The following FBRSL1 variants were observed in gnomAD, a reference collection of about 807,000 sequenced individuals.
The protein encoded by FBRSL1 is fibrosin-1-like protein.
Under a neutral mutation model 89.6 loss-of-function variants are expected in FBRSL1, and 51 were observed. The ratio of observed to expected loss-of-function variants is 0.57; its 90% CI spans 0.45 to 0.72. The LOEUF is 0.72. Among genes scored for constraint, FBRSL1 ranks in the 30% least tolerant of loss-of-function variants. The probability of loss-of-function intolerance (pLI) is 0.00; values close to 1 mark genes in which losing one functional copy is unlikely to be tolerated. For synonymous variants in FBRSL1, 779 were observed against 681.1 expected (o/e 1.14, Z -2.24); for missense variants, 1,618 against 1,451.8 (o/e 1.11, Z -1.86).
intron 4 of FBRSL1, among the ~76,000 whole-genome samples, chr12:132,534,279 G>A (rs759570675): frequency 4.6e-5 from 7 of 152,244 alleles, no homozygotes; most frequent in South Asian, 2.1e-4. Flanking sequence ...GTGCGTTGTC[G>A]GGCCCCAGGT....
intron 11 of FBRSL1, among the ~76,000 whole-genome samples, chr12:132,573,059 C>T (rs758030411): frequency 2.6e-5 from 4 of 152,188 alleles, no homozygotes; most frequent in Admixed American, 6.5e-5. Context: ...CGTCCACACC[C>T]GCAGGGGACC....
At chr12:132,572,491 T>G in intron 10 of FBRSL1, 36 bp from the exon 11 acceptor site, 1 of 1,520,316 alleles carries the variant, frequency 6.6e-7, no homozygotes, top group African/African-American at 1.4e-5. Context: ...GGTGAGGACT[T>G]GGGCCCCCCC....
chr12:132,510,903 T>G (rs2034259442), intron 2 of FBRSL1: 14 of 1,002,936 alleles, frequency 1.4e-5, no homozygotes, highest in Non-Finnish European at 1.7e-5. Context: ...CGCTTGCCCC[T>G]GGCGTGCCAC....
intron 5 of FBRSL1, among the ~76,000 whole-genome samples, chr12:132,556,600 G>GCAC (rs1319505217): frequency 1.4e-3 from 71 of 52,236 alleles, no homozygotes; most frequent in African/African-American, 6.4e-3. Flanking sequence ...CCTTCCTGCT[G>GCAC]CCCCCGCCAC....
chr12:132,518,872 T>C (rs993639817), intron 2 of FBRSL1, among the ~76,000 whole-genome samples: 2 of 149,822 alleles, frequency 1.3e-5, no homozygotes, highest in Non-Finnish European at 1.5e-5. Flanking sequence ...CATCTGTCCA[T>C]CCAACCACCC....
At chr12:132,561,558 TCTC>T (rs758312924) in intron 5 of FBRSL1, among the ~76,000 whole-genome samples, 6 of 152,114 alleles carry the variant, frequency 3.9e-5, no homozygotes, top group Non-Finnish European at 8.8e-5. Context: ...TAAGCTGGCT[TCTC>T]CTCCCTCTGC....
chr12:132,558,275 C>A (rs935654183), intron 5 of FBRSL1, among the ~76,000 whole-genome samples: 7 of 152,238 alleles, frequency 4.6e-5, no homozygotes, highest in Non-Finnish European at 8.8e-5. Flanking sequence ...AGTGTCCCTG[C>A]TGAGCCATGA....
intron 1 of FBRSL1, among the ~76,000 whole-genome samples, chr12:132,505,767 A>C (rs1417753276): frequency 6.6e-6 from 1 of 152,230 alleles, no homozygotes; most frequent in African/African-American, 2.4e-5. Flanking sequence ...GGCGAAGCCC[A>C]CAGGGCCAGC....
intron 2 of FBRSL1, among the ~76,000 whole-genome samples, chr12:132,519,238 A>G (rs2035133040): frequency 6.6e-6 from 1 of 152,220 alleles, no homozygotes; most frequent in African/African-American, 2.4e-5. Context: ...AGAAACAAGC[A>G]ACCCCACTTC....
chr12:132,564,863 T>G (rs2039482505), intron 5 of FBRSL1, among the ~76,000 whole-genome samples: 1 of 151,732 alleles, frequency 6.6e-6, no homozygotes, highest in Admixed American at 6.5e-5. Context: ...TCTGCTGACC[T>G]CGTGATCCGC....
rs557166931 is a variant in FBRSL1 at position 132,569,376 on chromosome 12, G to A, written c.692-550G>A. Among the ~76,000 whole-genome samples the A allele has an allele frequency of 6.6e-5, 10 of 152,266 alleles. No homozygotes were observed. The East Asian group carries it at 1.5e-3, about 24-fold the overall frequency. ...CACCCAGTCCCTGCCCAAGTTTCCA[G>A]GAAGTGGTCAAGCCTTCCACCAGGG... On this transcript the variant is annotated intron_variant, in intron 6 of 18. Transcript: ENST00000680143.
At position 132,576,813 on chromosome 12, in the gene FBRSL1, C is replaced by T; in HGVS notation, c.1716C>T (p.Asp572=). ...TATCCTCCCAGGAGATGCAGCTGGA[C>T]CCCCACAAGCTGGAGGTGGGTGCAA... ...HQQKIKEMQL[D]PHKLEVGAKL... The change falls in exon 15 of 19, where the codon GAC becomes GAT. Residue 572 remains aspartate, a synonymous_variant. Coordinates refer to ENST00000680143, the MANE Select transcript of FBRSL1 (RefSeq NM_001367871.1). 7 of 1,550,798 alleles carry T rather than the reference C, an allele frequency of 4.5e-6. No individual in the cohort carries two copies. The highest frequency in any genetic ancestry group is 6.1e-6 in the Non-Finnish European group (7 of 1,146,808).
At chr12:132,582,429 A>G (rs542917591) in intron 18 of FBRSL1, among the ~76,000 whole-genome samples, 163 bp downstream of exon 18, 1,766 of 38,258 alleles carry the variant, frequency 0.046, 39 homozygotes, top group East Asian at 0.31. Flanking sequence ...CCCCTCCCCC[A>G]TTCCCTCTCA....
intron 2 of FBRSL1, among the ~76,000 whole-genome samples, chr12:132,521,586 G>C (rs990573715): frequency 1.3e-5 from 2 of 152,186 alleles, no homozygotes; most frequent in Non-Finnish European, 2.9e-5. Flanking sequence ...CATCGTGGCC[G>C]GCCAGTCTCA....
intron 5 of FBRSL1, among the ~76,000 whole-genome samples, chr12:132,556,710 C>T (rs2038692274): frequency 1.3e-5 from 1 of 78,082 alleles, no homozygotes; most frequent in South Asian, 4.2e-4. Flanking sequence ...CTGCCTCCAA[C>T]CCCTGTCCTG....
intron 15 of FBRSL1, among the ~76,000 whole-genome samples, chr12:132,578,853 A>G (rs1432453612): frequency 6.6e-6 from 1 of 152,274 alleles, no homozygotes; most frequent in African/African-American, 2.4e-5. Context: ...CAGCAGCCAC[A>G]TGAGGCTGGC....
intron 5 of FBRSL1, among the ~76,000 whole-genome samples, chr12:132,559,477 C>T (rs1047551178): frequency 3.3e-5 from 5 of 152,198 alleles, no homozygotes; most frequent in African/African-American, 9.7e-5. Flanking sequence ...CTGCAGCCTC[C>T]ACCTCCCGGG....
At chr12:132,518,754 A>C (rs1359019370) in intron 2 of FBRSL1, among the ~76,000 whole-genome samples, 2 of 129,476 alleles carry the variant, frequency 1.5e-5, no homozygotes, top group Non-Finnish European at 3.3e-5. Flanking sequence ...ATCCACCCAT[A>C]CATCCACACA....
intron 5 of FBRSL1, among the ~76,000 whole-genome samples, chr12:132,556,212 C>T (rs939207289): frequency 2.0e-5 from 3 of 152,188 alleles, no homozygotes; most frequent in Non-Finnish European, 4.4e-5. Context: ...GGTGAACACA[C>T]GCTTCTCCGG....
Sources: gnomAD v4.1 joint callset for allele counts (sites outside exome capture counted in the v4.1 genomes callset) on GRCh38, gnomAD v4.1.1 for gene constraint, MANE v1.5 for transcripts, NCBI Gene and HGNC (gene_info 2026-07-23, HGNC 2026-07-21) for gene names.